LRRC4C: variants seen among roughly 807,000 people sequenced by gnomAD.
LRRC4C encodes the protein leucine rich repeat containing 4C, also known as leucine-rich repeat-containing protein 4C.
A neutral mutation model predicts 33.6 loss-of-function variants in LRRC4C; 5 were observed. The observed-to-expected ratio is 0.15, with a 90% CI of 0.08 to 0.31. The LOEUF (loss-of-function observed/expected upper bound fraction) is 0.31, where lower values mean the gene tolerates loss of function less well. LRRC4C is among the 10% of genes least tolerant of loss of function. The pLI is 1.00. For synonymous variants in LRRC4C, 329 were observed against 302.0 expected (o/e 1.09, Z -0.93); for missense variants, 560 against 796.7 (o/e 0.70, Z 3.58).
intron 5 of LRRC4C, among the ~76,000 whole-genome samples, chr11:40,149,952 C>T (rs140159847): frequency 6.6e-6 from 1 of 152,262 alleles, no homozygotes; most frequent in Non-Finnish European, 1.5e-5. Context: ...TGATATAAAA[C>T]AACAGAAATG....
At chr11:41,289,546 G>A (rs902060315) in intron 1 of LRRC4C, among the ~76,000 whole-genome samples, 1 of 152,118 alleles carries the variant, frequency 6.6e-6, no homozygotes, top group African/African-American at 2.4e-5. Flanking sequence ...ACATGGCAGA[G>A]AGTTCTCCCC....
At position 41,044,036 on chromosome 11, in the gene LRRC4C, G is replaced by A. The variant is rs564988910; in HGVS notation, c.-495-110313C>T. Reference sequence around the variant, plus strand: ...CATCACATACACCTAATGAAGTGCAGTAGAAACAAGATTCCTGAATTTTGA... The same window carrying A: ...CATCACATACACCTAATGAAGTGCAATAGAAACAAGATTCCTGAATTTTGA... On this transcript the variant is annotated intron_variant, in intron 1 of 6. Coordinates refer to ENST00000528697, the MANE Select transcript of LRRC4C (RefSeq NM_001258419.2). 7.2e-5 allele frequency among the ~76,000 whole-genome samples: 11 copies of A among 152,202 alleles called. No homozygotes were observed. In the South Asian group the frequency reaches 2.1e-3, roughly 29 times the overall value.
chr11:40,578,218 T>G (rs1321902765), intron 3 of LRRC4C, among the ~76,000 whole-genome samples: 1 of 141,734 alleles, frequency 7.1e-6, no homozygotes, highest in Non-Finnish European at 1.5e-5. Context: ...TCTCTCAATC[T>G]GTCTATTTCA....
rs930420599 is a variant in LRRC4C, at chr11:41,130,309, G to GT, written c.-495-196587dup. Among the ~76,000 whole-genome samples, 32 of 151,832 alleles carry GT rather than the reference G, an allele frequency of 2.1e-4. 1 individual carries two copies. The highest frequency in any genetic ancestry group is 6.3e-4 in the African/African-American group (26 of 41,382). On this transcript the variant is annotated intron_variant, in intron 1 of 6. Transcript: ENST00000528697. ...CCTCATTCTGAGTGTCAATAATGCA[G>GT]TTTTTTATATTACTTGTCTTATTTT... is the stretch of plus-strand genomic sequence containing the variant.
At chr11:40,215,977 T>C (rs957025254) in intron 5 of LRRC4C, among the ~76,000 whole-genome samples, 2 of 152,148 alleles carry the variant, frequency 1.3e-5, no homozygotes, top group Non-Finnish European at 2.9e-5. Context: ...CTGAGAAACA[T>C]GGCCTTCTTT....
intron 5 of LRRC4C, among the ~76,000 whole-genome samples, chr11:40,211,344 T>C: frequency 6.6e-6 from 1 of 152,204 alleles, no homozygotes; most frequent in East Asian, 1.9e-4. Context: ...GTTAGATATG[T>C]GCTTTTATGG....
chr11:41,297,812 A>C (rs990567196), intron 1 of LRRC4C, among the ~76,000 whole-genome samples: 54 of 152,202 alleles, frequency 3.5e-4, no homozygotes, highest in African/African-American at 1.3e-3. Context: ...TAATGTATAG[A>C]TAGATCAGGA....
chr11:41,364,799 T>C (rs2137707951), intron 1 of LRRC4C, among the ~76,000 whole-genome samples: 1 of 152,296 alleles, frequency 6.6e-6, no homozygotes, highest in African/African-American at 2.4e-5. Context: ...CCTCAGTTTT[T>C]CCCACCTAGA....
intron 3 of LRRC4C, among the ~76,000 whole-genome samples, chr11:40,349,173 C>T (rs1218930045): frequency 6.6e-6 from 1 of 152,074 alleles, no homozygotes; most frequent in African/African-American, 2.4e-5. Context: ...TTCATTCTAA[C>T]TAAATTTTTA....
At position 41,116,055 on chromosome 11, in the gene LRRC4C, C is replaced by T. The variant is rs575673664; in HGVS notation, c.-495-182332G>A. On this transcript the variant is annotated intron_variant, in intron 1 of 6. Transcript: ENST00000528697. ...TGACAGTATTAATTAACCTGTATTA[C>T]TTTTCATGTCTTTAAGCTACCATTT... Among the ~76,000 whole-genome samples the T allele has an allele frequency of 4.6e-5, 7 of 152,212 alleles. No homozygotes were observed. In the East Asian group the frequency reaches 5.8e-4, roughly 13 times the overall value.
chr11:40,407,658 A>C (rs1950009490), intron 3 of LRRC4C, among the ~76,000 whole-genome samples: 1 of 152,116 alleles, frequency 6.6e-6, no homozygotes, highest in South Asian at 2.1e-4. Flanking sequence ...AACTACCTAC[A>C]TCATTCAAAC....
intron 2 of LRRC4C, among the ~76,000 whole-genome samples, chr11:40,797,187 G>A (rs1048786410): frequency 1.3e-5 from 2 of 152,116 alleles, no homozygotes; most frequent in Admixed American, 6.6e-5. Context: ...GAGAAGGTCT[G>A]GTGAAAAATG....
At chr11:41,415,684 T>C (rs1478139139) in intron 1 of LRRC4C, among the ~76,000 whole-genome samples, 1 of 152,110 alleles carries the variant, frequency 6.6e-6, no homozygotes, top group Non-Finnish European at 1.5e-5. Flanking sequence ...TGTTGGATTT[T>C]TATGAGATGT....
chr11:40,386,039 GAAAAT>G (rs1273107710), intron 3 of LRRC4C, among the ~76,000 whole-genome samples: 6 of 149,858 alleles, frequency 4.0e-5, no homozygotes, highest in Non-Finnish European at 7.4e-5. Context: ...CCCATGAAAC[GAAAAT>G]AAAAGTTGAA....
At chr11:40,397,597 G>T (rs1590605781) in intron 3 of LRRC4C, among the ~76,000 whole-genome samples, 1 of 152,086 alleles carries the variant, frequency 6.6e-6, no homozygotes, top group East Asian at 1.9e-4. Context: ...GTAGTTGGTG[G>T]GTAAAAAGCA....
chr11:40,386,350 C>A (rs1413776437), intron 3 of LRRC4C, among the ~76,000 whole-genome samples: 1 of 152,120 alleles, frequency 6.6e-6, no homozygotes, highest in Non-Finnish European at 1.5e-5. Context: ...AAACTGGGGT[C>A]AAATTGCAGG....
At chr11:40,950,098 A>T (rs1292149852) in intron 1 of LRRC4C, among the ~76,000 whole-genome samples, 1 of 152,050 alleles carries the variant, frequency 6.6e-6, no homozygotes, top group Non-Finnish European at 1.5e-5. Flanking sequence ...AGAAATAAAA[A>T]CATCTCTGGG....
At chr11:40,398,015 TG>T (rs1264486811) in intron 3 of LRRC4C, among the ~76,000 whole-genome samples, 3 of 152,004 alleles carry the variant, frequency 2.0e-5, no homozygotes, top group Non-Finnish European at 2.9e-5. Context: ...ATTGTAAGGA[TG>T]GTTATAAAAA....
At chr11:40,517,176 T>C (rs1444431782) in intron 3 of LRRC4C, among the ~76,000 whole-genome samples, 1 of 152,166 alleles carries the variant, frequency 6.6e-6, no homozygotes, top group South Asian at 2.1e-4. Flanking sequence ...TGGACACATA[T>C]AATTTACTGG....
Sources: gnomAD v4.1 joint callset for allele counts (sites outside exome capture counted in the v4.1 genomes callset) on GRCh38, gnomAD v4.1.1 for gene constraint, MANE v1.5 for transcripts, NCBI Gene and HGNC (gene_info 2026-07-23, HGNC 2026-07-21) for gene names.